PDE6C: variants seen among roughly 807,000 people sequenced by gnomAD.
PDE6C encodes the protein cone cGMP-specific 3',5'-cyclic phosphodiesterase subunit alpha'.
Under a neutral mutation model 113.1 loss-of-function variants are expected in PDE6C, and 75 were observed. That is an observed-to-expected ratio of 0.66 (90% CI 0.55 to 0.80). The LOEUF (loss-of-function observed/expected upper bound fraction) is 0.80. Ranked by LOEUF, PDE6C falls within the 30% of genes least tolerant of loss-of-function variation. The pLI, the probability that PDE6C is intolerant of heterozygous loss-of-function variation, is 0.00. For missense variants in PDE6C, 912 were observed against 1,038.6 expected (o/e 0.88, Z 1.67); for synonymous variants, 375 against 363.7 (o/e 1.03, Z -0.35).
chr10:93,650,090 T>C (rs1236104360), intron 15 of PDE6C, among the ~76,000 whole-genome samples: 1 of 152,224 alleles, frequency 6.6e-6, no homozygotes, highest in Non-Finnish European at 1.5e-5. Flanking sequence ...ATGTTTTCAG[T>C]TGCTATGGAT....
intron 21 of PDE6C, among the ~76,000 whole-genome samples, chr10:93,664,145 G>C (rs1378410554): frequency 6.6e-6 from 1 of 152,146 alleles, no homozygotes; most frequent in East Asian, 1.9e-4. Flanking sequence ...GCAGGCCCTG[G>C]GGAAAGATGG....
At chr10:93,633,711 A>G (rs1365421020) in intron 8 of PDE6C, among the ~76,000 whole-genome samples, 3 of 152,322 alleles carry the variant, frequency 2.0e-5, no homozygotes, top group East Asian at 1.9e-4. Context: ...ATGAAAGACT[A>G]TCTTCATGGA....
At chr10:93,623,204 C>T (rs1407695623) in intron 4 of PDE6C, among the ~76,000 whole-genome samples, 1 of 152,120 alleles carries the variant, frequency 6.6e-6, no homozygotes, top group Admixed American at 6.6e-5. Flanking sequence ...ATTTTCAGTT[C>T]CCCAATGACA....
At chr10:93,614,803 C>T (rs983832134) in intron 1 of PDE6C, among the ~76,000 whole-genome samples, 37 of 152,088 alleles carry the variant, frequency 2.4e-4, no homozygotes, top group African/African-American at 8.7e-4. Flanking sequence ...CGGAGCACTT[C>T]ATCTGGGAGT....
chr10:93,637,760 C>T (rs900744455), intron 11 of PDE6C, among the ~76,000 whole-genome samples: 1 of 152,082 alleles, frequency 6.6e-6, no homozygotes, highest in Non-Finnish European at 1.5e-5. Flanking sequence ...TTAAGGTACC[C>T]ATCTTAATAC....
At chr10:93,652,059 T>G (rs1331211369) in intron 15 of PDE6C, among the ~76,000 whole-genome samples, 1 of 152,040 alleles carries the variant, frequency 6.6e-6, no homozygotes, top group African/African-American at 2.4e-5. Flanking sequence ...ATGTCCCACT[T>G]TGTTCCAAAG....
chr10:93,664,323 G>A (rs916141603), intron 21 of PDE6C, among the ~76,000 whole-genome samples: 1 of 152,198 alleles, frequency 6.6e-6, no homozygotes, highest in Admixed American at 6.6e-5. Context: ...GGGAGGAAGA[G>A]TAAGAAAATA....
At chr10:93,661,850 C>A (rs550545604) in intron 18 of PDE6C, among the ~76,000 whole-genome samples, 2 of 152,104 alleles carry the variant, frequency 1.3e-5, no homozygotes, top group Admixed American at 6.5e-5. Flanking sequence ...CTAGAATAAG[C>A]CTAGAACACT....
In PDE6C at chr10:93,626,663, T is replaced by A; in HGVS notation, c.963T>A (p.Ile321=). 1 of 1,588,032 alleles carries A rather than the reference T, an allele frequency of 6.3e-7. No homozygotes were observed. The highest frequency in any genetic ancestry group is 8.6e-7 in the Non-Finnish European group (1 of 1,156,402). ...DGREVNFYKI[I]DYILHGKEEI... is the part of the protein sequence containing the mutation. ...AGGAAGTCAACTTTTATAAAATCAT[T>A]GATTACATTTTACATGGAAAAGAAG... The change falls in exon 6 of 22, where the codon ATT becomes ATA. Residue 321 remains isoleucine, a synonymous_variant. Transcript: ENST00000371447.
chr10:93,642,284 A>C (rs1006682429), intron 14 of PDE6C, among the ~76,000 whole-genome samples: 8 of 152,164 alleles, frequency 5.3e-5, no homozygotes, highest in Admixed American at 3.3e-4. Flanking sequence ...TAATTGTTTG[A>C]ACCCAGGAGG....
intron 8 of PDE6C, among the ~76,000 whole-genome samples, chr10:93,634,180 G>T (rs776151267): frequency 6.6e-6 from 1 of 152,020 alleles, no homozygotes; most frequent in Non-Finnish European, 1.5e-5. Flanking sequence ...CCACCATCAC[G>T]CCTGGCTAAT....
chr10:93,634,943 A>T, intron 9 of PDE6C, 36 bp downstream of exon 9: 1 of 1,608,462 alleles, frequency 6.2e-7, no homozygotes, highest in Middle Eastern at 1.7e-4. Flanking sequence ...AGTCAATGCA[A>T]TTCACAAAAT....
Position 93,626,686 on chromosome 10 carries a change from A to C in PDE6C, c.986A>C (p.Glu329Ala), listed in dbSNP as rs758391651. The stretch of plus-strand genomic sequence containing the variant: ...ATTGATTACATTTTACATGGAAAAG[A>C]AGAGATCAAAGTGATTCCGTGAGTA... ...KIIDYILHGK[E>A]EIKVIPTPPA... The change falls in exon 6 of 22, where the codon GAA (glutamate) becomes GCA (alanine). Residue 329 changes from glutamate to alanine, a missense_variant. Glu to Ala is a moderately radical substitution (Grantham distance 107). Transcript: ENST00000371447. 92 of 1,604,930 alleles carry C rather than the reference A, an allele frequency of 5.7e-5. No homozygotes were observed. In the East Asian group the frequency reaches 1.2e-3, roughly 21 times the overall value.
At chr10:93,622,199 A>G (rs903176441) in intron 4 of PDE6C, 127 bp downstream of exon 4, 11 of 1,034,752 alleles carry the variant, frequency 1.1e-5, no homozygotes, top group Non-Finnish European at 1.5e-5. Context: ...ACAAGAACAG[A>G]GGTAAAAGTG....
chr10:93,635,655 C>T lies in PDE6C; in HGVS notation c.1413+15C>T, dbSNP rs756268265. The T allele has an allele frequency of 8.1e-6, 13 of 1,612,938 alleles. No individual in the cohort carries two copies. The highest frequency in any genetic ancestry group is 1.6e-4 in the Middle Eastern group (1 of 6,078). On this transcript the variant is annotated intron_variant, in intron 10 of 21. Transcript: ENST00000371447. ...AGTCCATTTTGGTAAGTGGGAAATTCAGTCCTGTGGACATAAGATGTTACC... is the reference window on the plus strand; with the variant it reads ...AGTCCATTTTGGTAAGTGGGAAATTTAGTCCTGTGGACATAAGATGTTACC...
intron 18 of PDE6C, among the ~76,000 whole-genome samples, chr10:93,659,886 T>C (rs536454786): frequency 6.6e-6 from 1 of 152,356 alleles, no homozygotes; most frequent in African/African-American, 2.4e-5. Flanking sequence ...CTATAGTCTC[T>C]TCTTCAATGT....
At chr10:93,654,767 T>TTTC (rs2058625451) in intron 15 of PDE6C, among the ~76,000 whole-genome samples, 1 of 44,842 alleles carries the variant, frequency 2.2e-5, no homozygotes, top group Admixed American at 2.5e-4. Context: ...TCTTTCTTTC[T>TTTC]TTCTTTCTTT....
chr10:93,653,965 G>T (rs780604809), intron 15 of PDE6C, among the ~76,000 whole-genome samples: 2 of 152,062 alleles, frequency 1.3e-5, no homozygotes, highest in African/African-American at 2.4e-5. Flanking sequence ...TCCAATTATT[G>T]CTTTCTAATA....
intron 3 of PDE6C, 121 bp from the exon 4 acceptor site, chr10:93,621,811 G>T (rs1480280917): frequency 3.4e-6 from 3 of 892,768 alleles, no homozygotes; most frequent in Non-Finnish European, 5.4e-6. Flanking sequence ...AATCAGAATT[G>T]CACTTTCCAA....
Sources: allele counts gnomAD v4.1 joint callset (sites outside exome capture counted in the v4.1 genomes callset), GRCh38; gene constraint gnomAD v4.1.1; transcripts MANE v1.5; gene names NCBI Gene and HGNC (gene_info 2026-07-23, HGNC 2026-07-21).